Variants in CSMD3 observed in about 807,000 individuals in gnomAD.
CSMD3 encodes CUB and sushi domain-containing protein 3.
Under a neutral mutation model 435.2 loss-of-function variants are expected in CSMD3, and 177 were observed. That is an observed-to-expected ratio of 0.41 (90% CI 0.36 to 0.46). The LOEUF is 0.46. CSMD3 is among the 20% of genes least tolerant of loss of function. The pLI, the probability that CSMD3 is intolerant of heterozygous loss-of-function variation, is 0.34. For missense variants in CSMD3, 4,265 were observed against 4,504.6 expected, an observed-to-expected ratio of 0.95 and a Z score of 1.52; for synonymous variants, 1,656 against 1,520.5, an observed-to-expected ratio of 1.09 and a Z score of -2.07.
rs2129770167 is a variant in CSMD3, at chr8:112,225,012, T to C, written c.10965-82A>G. 3.1e-6 allele frequency: 4 copies of C among 1,283,154 alleles called. No homozygotes were observed. In the South Asian group the frequency reaches 4.8e-5, roughly 15 times the overall value. 79.5% of individuals were successfully genotyped at this position (1,283,154 alleles called of 1,614,324 possible). A position where few individuals can be genotyped will look rare whatever the true frequency, so the allele number is the denominator to read the frequency against. ...TACAGCTCAAACATAATGTACATCG[T>C]TAGCAGATAATGTAACTTAAAAATA... On this transcript the variant is annotated intron_variant, in intron 70 of 70. Transcript: ENST00000297405.
intron 1 of CSMD3, among the ~76,000 whole-genome samples, chr8:113,370,926 G>C (rs1219540744): frequency 1.3e-5 from 2 of 152,042 alleles, no homozygotes; most frequent in African/African-American, 4.8e-5. Flanking sequence ...CTTTATTCTA[G>C]AGATCTGTCT....
At chr8:112,483,910 G>A (rs980347007) in intron 31 of CSMD3, among the ~76,000 whole-genome samples, 1 of 152,130 alleles carries the variant, frequency 6.6e-6, no homozygotes, top group Non-Finnish European at 1.5e-5. Flanking sequence ...AGGATCAAGA[G>A]CAGAGTACTC....
At chr8:112,656,843 A>T (rs1408235472) in intron 17 of CSMD3, among the ~76,000 whole-genome samples, 1 of 152,054 alleles carries the variant, frequency 6.6e-6, no homozygotes, top group Non-Finnish European at 1.5e-5. Context: ...TCTGCCTTTA[A>T]ACATGTGATA....
chr8:112,364,465 A>AAGAG (rs1390214002), intron 38 of CSMD3, among the ~76,000 whole-genome samples: 1 of 152,048 alleles, frequency 6.6e-6, no homozygotes, highest in Admixed American at 6.6e-5. Flanking sequence ...TCTCTTTTAA[A>AAGAG]AACATGTATA....
chr8:113,246,816 T>A (rs1360483261), intron 3 of CSMD3, among the ~76,000 whole-genome samples: 1 of 152,198 alleles, frequency 6.6e-6, no homozygotes, highest in Non-Finnish European at 1.5e-5. Flanking sequence ...GTCAATTAAG[T>A]CTGCTTAATT....
At chr8:112,984,286 A>G (rs1159430090) in intron 6 of CSMD3, among the ~76,000 whole-genome samples, 2 of 152,046 alleles carry the variant, frequency 1.3e-5, no homozygotes, top group African/African-American at 4.8e-5. Context: ...TTTAGAGAAT[A>G]TAAGTAAAAA....
intron 5 of CSMD3, among the ~76,000 whole-genome samples, chr8:113,038,516 T>C (rs1290144399): frequency 1.3e-5 from 2 of 152,258 alleles, no homozygotes; most frequent in Middle Eastern, 3.4e-3. Context: ...TATTGTATAA[T>C]GAAGTAGAAG....
chr8:112,611,903 T>A (rs896472951), intron 22 of CSMD3, among the ~76,000 whole-genome samples: 1 of 152,160 alleles, frequency 6.6e-6, no homozygotes, highest in Non-Finnish European at 1.5e-5. Flanking sequence ...TTTTAAACCA[T>A]TGATAGATTA....
chr8:112,952,765 T>A (rs1435419522), intron 8 of CSMD3, among the ~76,000 whole-genome samples: 2 of 151,574 alleles, frequency 1.3e-5, no homozygotes, highest in Non-Finnish European at 1.5e-5. Context: ...AATGAATAAA[T>A]GCAAAATTTA....
chr8:112,599,881 A>AG (rs67082061), intron 22 of CSMD3, among the ~76,000 whole-genome samples: 1 of 95,782 alleles, frequency 1.0e-5, no homozygotes, highest in Non-Finnish European at 2.0e-5. Context: ...GGGTGGGGGG[A>AG]GGGGGGAGGG....
At chr8:112,330,842 TG>T (rs1445665514) in intron 45 of CSMD3, among the ~76,000 whole-genome samples, 15 of 152,102 alleles carry the variant, frequency 9.9e-5, no homozygotes, top group African/African-American at 3.6e-4. Flanking sequence ...GAACATTGTC[TG>T]GCACTTAATA....
chr8:113,057,706 C>T (rs1335474775), intron 5 of CSMD3, among the ~76,000 whole-genome samples: 1 of 151,604 alleles, frequency 6.6e-6, no homozygotes, highest in Non-Finnish European at 1.5e-5. Context: ...ACCAACACTC[C>T]CATATTCTAT....
chr8:112,919,306 G>C (rs2082664967), intron 10 of CSMD3, among the ~76,000 whole-genome samples: 1 of 151,610 alleles, frequency 6.6e-6, no homozygotes, highest in Non-Finnish European at 1.5e-5. Context: ...AATAGTTCTT[G>C]AAATTCAAGT....
At position 112,306,171 on chromosome 8, in the gene CSMD3, T is replaced by C. The variant is rs774612576; in HGVS notation, c.7907A>G (p.Lys2636Arg). 6.2e-7 allele frequency: 1 copy of C among 1,613,310 alleles called. No homozygotes were observed. Among genetic ancestry groups the C allele is most frequent in the Non-Finnish European group, 8.5e-7 (1 of 1,179,632 alleles). The change falls in exon 51 of 71, where the codon AAA (lysine) becomes AGA (arginine). Residue 2636 changes from lysine (K) to arginine (R), a missense_variant. By Grantham distance (26) the Lys-to-Arg change is conservative. Coordinates refer to ENST00000297405, the MANE Select transcript of CSMD3 (RefSeq NM_198123.2). The stretch of plus-strand genomic sequence containing the variant: ...TAGTATTCCTCCATTTGTTGGAGCT[T>C]TAGGAATCCCACAGGAAATTGCTAG... The part of the protein sequence containing the change: ...ACQAISCGIP[K>R]APTNGGILTT...
chr8:112,441,489 A>T (rs1445886492), intron 32 of CSMD3, among the ~76,000 whole-genome samples: 1 of 152,046 alleles, frequency 6.6e-6, no homozygotes, highest in Non-Finnish European at 1.5e-5. Flanking sequence ...TTCCAAAGTC[A>T]CTTCCACATT....
At chr8:113,147,818 C>A (rs1204109287) in intron 4 of CSMD3, among the ~76,000 whole-genome samples, 1 of 151,630 alleles carries the variant, frequency 6.6e-6, no homozygotes, top group East Asian at 2.0e-4. Context: ...ACACATAACA[C>A]TCATGAATAA....
intron 10 of CSMD3, among the ~76,000 whole-genome samples, chr8:112,895,149 C>T (rs934296625): frequency 4.6e-5 from 7 of 151,332 alleles, no homozygotes; most frequent in Non-Finnish European, 8.9e-5. Flanking sequence ...GTCAACAAAA[C>T]TCATGCCATG....
Position 112,224,770 on chromosome 8 carries a change from G to C in CSMD3, c.*1C>G, listed in dbSNP as rs150947415. 3 of 1,613,836 alleles carry C rather than the reference G, an allele frequency of 1.9e-6. No individual in the cohort carries two copies. Among genetic ancestry groups the C allele is most frequent in the Non-Finnish European group, 2.5e-6 (3 of 1,179,866 alleles). Reference sequence around the variant, plus strand: ...TTCTGAAGAAGGCAAAGGTTGCCTCGTTATACCATTGTGCAAACCGTGTTC... The same window carrying C: ...TTCTGAAGAAGGCAAAGGTTGCCTCCTTATACCATTGTGCAAACCGTGTTC... On this transcript the variant is annotated 3_prime_UTR_variant, in exon 71 of 71. Coordinates refer to ENST00000297405, the MANE Select transcript of CSMD3 (RefSeq NM_198123.2).
intron 42 of CSMD3, 75 bp downstream of exon 42, chr8:112,341,402 A>T: frequency 9.9e-7 from 1 of 1,006,592 alleles, no homozygotes; most frequent in Non-Finnish European, 1.5e-6. Flanking sequence ...TACAGAAAAT[A>T]ATTAGACTCA....
Sources: allele counts gnomAD v4.1 joint callset (sites outside exome capture counted in the v4.1 genomes callset), GRCh38; gene constraint gnomAD v4.1.1; transcripts MANE v1.5; gene names NCBI Gene and HGNC (gene_info 2026-07-23, HGNC 2026-07-21).